CADPS: variants seen among roughly 807,000 people sequenced by gnomAD.
CADPS encodes the protein calcium-dependent secretion activator 1.
Under a neutral mutation model 167.3 loss-of-function variants are expected in CADPS, and 57 were observed. The ratio of observed to expected loss-of-function variants is 0.34; its 90% CI spans 0.28 to 0.42. The LOEUF (loss-of-function observed/expected upper bound fraction) is 0.42, where lower values mean the gene tolerates loss of function less well. Among genes scored for constraint, CADPS ranks in the 20% least tolerant of loss-of-function variants. CADPS has a pLI of 1.00. For missense variants in CADPS, 1,414 were observed against 1,738.1 expected, an observed-to-expected ratio of 0.81 and a Z score of 3.32; for synonymous variants, 676 against 635.3, an observed-to-expected ratio of 1.06 and a Z score of -0.96.
chr3:62,565,251 G>A (rs953345061), intron 9 of CADPS, among the ~76,000 whole-genome samples: 8 of 152,180 alleles, frequency 5.3e-5, no homozygotes, highest in African/African-American at 1.4e-4. Context: ...AGCCAGCCAA[G>A]TTTATAGGAC....
chr3:62,710,686 A>C (rs1431139879), intron 3 of CADPS, among the ~76,000 whole-genome samples: 1 of 152,006 alleles, frequency 6.6e-6, no homozygotes, highest in Non-Finnish European at 1.5e-5. Context: ...CCGAGTCACC[A>C]ATTTAGATTC....
At chr3:62,473,232 G>A (rs1386163735) in intron 24 of CADPS, among the ~76,000 whole-genome samples, 1 of 151,788 alleles carries the variant, frequency 6.6e-6, no homozygotes, top group African/African-American at 2.4e-5. Context: ...CCAGGGTGGG[G>A]GTGGGGGCTG....
intron 6 of CADPS, among the ~76,000 whole-genome samples, chr3:62,634,001 C>T (rs991450409): frequency 6.6e-6 from 1 of 152,158 alleles, no homozygotes; most frequent in Non-Finnish European, 1.5e-5. Flanking sequence ...TTTACTTTGA[C>T]TTGAGGTTAG....
Position 62,874,592 on chromosome 3 carries a change from C to T in CADPS, c.438G>A (p.Gln146=), listed in dbSNP as rs375778976. Reference sequence around the variant, plus strand: ...TGGGCCTCCCAGGCGCACCTACCTTCTGCTGCCGGCGAGCCATGTCGGTGG... The same window carrying T: ...TGGGCCTCCCAGGCGCACCTACCTTTTGCTGCCGGCGAGCCATGTCGGTGG... ...KQPTDMARRQ[Q]KISKQQLQTV... is the part of the protein sequence containing the mutation. The change falls in exon 1 of 30, where the codon CAG becomes CAA. Residue 146 remains glutamine (Q), a synonymous_variant. Coordinates refer to ENST00000383710, the MANE Select transcript of CADPS (RefSeq NM_003716.4). This position sits in a 1 kb window ranked among gnomAD's most constrained non-coding sequence, Gnocchi z 7.1. The T allele has an allele frequency of 1.5e-5, 23 of 1,549,032 alleles. No individual in the cohort carries two copies. Among genetic ancestry groups the T allele is most frequent in the Non-Finnish European group, 1.9e-5 (22 of 1,145,876 alleles).
intron 28 of CADPS, chr3:62,403,719 G>A (rs1487870680): frequency 6.6e-6 from 1 of 152,220 alleles, no homozygotes; most frequent in Non-Finnish European, 1.5e-5. Flanking sequence ...ACCTGATTGA[G>A]GAGTGCTGAT....
chr3:62,668,135 G>A (rs1316792159), intron 3 of CADPS, among the ~76,000 whole-genome samples: 2 of 152,214 alleles, frequency 1.3e-5, no homozygotes, highest in African/African-American at 4.8e-5. Flanking sequence ...CCAAAGAGAG[G>A]ATGTGATTCA....
chr3:62,519,224 T>C (rs1487129411), intron 13 of CADPS, among the ~76,000 whole-genome samples: 1 of 152,202 alleles, frequency 6.6e-6, no homozygotes, highest in Non-Finnish European at 1.5e-5. Context: ...TGTGTCACCA[T>C]AAAACTTCTA....
At chr3:62,715,353 C>CCTAT (rs10654479) in intron 3 of CADPS, among the ~76,000 whole-genome samples, 9,421 of 140,262 alleles carry the variant, frequency 0.067, 358 homozygotes, top group East Asian at 0.096. Flanking sequence ...GTTGGCCAGC[C>CCTAT]CTATCTATCT....
intron 1 of CADPS, among the ~76,000 whole-genome samples, chr3:62,798,719 G>A (rs1280577905): frequency 1.3e-5 from 2 of 152,040 alleles, no homozygotes; most frequent in Non-Finnish European, 2.9e-5. Context: ...GGATGTGTTA[G>A]GTACTTTTTC....
chr3:62,743,627 C>T (rs2080803058), intron 3 of CADPS, among the ~76,000 whole-genome samples: 2 of 152,158 alleles, frequency 1.3e-5, no homozygotes, highest in South Asian at 2.1e-4. Context: ...GAAAAACAAG[C>T]ATTCCCTATC....
At chr3:62,582,252 C>A (rs555170264) in intron 8 of CADPS, among the ~76,000 whole-genome samples, 4 of 152,314 alleles carry the variant, frequency 2.6e-5, no homozygotes, top group African/African-American at 7.2e-5. Flanking sequence ...TTGAGACCAG[C>A]CTGGCCAACC....
chr3:62,641,710 G>C (rs1208024308), intron 6 of CADPS, among the ~76,000 whole-genome samples: 3 of 152,064 alleles, frequency 2.0e-5, no homozygotes, highest in African/African-American at 7.2e-5. Context: ...TATTCTCCTG[G>C]CTTTCTATGT....
At chr3:62,615,401 A>G (rs2062102403) in intron 6 of CADPS, among the ~76,000 whole-genome samples, 1 of 152,220 alleles carries the variant, frequency 6.6e-6, no homozygotes, top group Non-Finnish European at 1.5e-5. Flanking sequence ...CCAGCAAATG[A>G]TGATGACAGT....
chr3:62,855,655 G>GT lies in CADPS; in HGVS notation c.441+18933dup, dbSNP rs1559949154. 2.6e-5 allele frequency among the ~76,000 whole-genome samples: 4 copies of GT among 152,208 alleles called. No individual in the cohort carries two copies. The South Asian group carries it at 6.2e-4, about 24-fold the overall frequency. ...TAGCTGAAGTAGCAAGTCACAAAAC[G>GT]TAAGTTGTCAAATGTCTAGTTTTGC... is the stretch of plus-strand genomic sequence containing the variant. On this transcript the variant is annotated intron_variant, in intron 1 of 29. Coordinates refer to ENST00000383710, the MANE Select transcript of CADPS (RefSeq NM_003716.4).
At chr3:62,643,754 G>A (rs1214731722) in intron 6 of CADPS, among the ~76,000 whole-genome samples, 7 of 152,062 alleles carry the variant, frequency 4.6e-5, no homozygotes, top group Admixed American at 2.0e-4. Flanking sequence ...ATCTTATAAC[G>A]CCATATTGGG....
At chr3:62,777,641 G>A (rs966607401) in intron 1 of CADPS, among the ~76,000 whole-genome samples, 3 of 152,100 alleles carry the variant, frequency 2.0e-5, no homozygotes, top group Non-Finnish European at 4.4e-5. Context: ...TTGGAGGTAG[G>A]GGGATACGGA....
chr3:62,438,104 A>G lies in CADPS; in HGVS notation c.3777T>C (p.Asp1259=), dbSNP rs1234264719. Residue 1259 remains aspartate, a splice_region_variant and synonymous_variant, in exon 28 of 30, where the codon GAT becomes GAC. Transcript: ENST00000383710. This position sits in a 1 kb window ranked among gnomAD's most constrained non-coding sequence, Gnocchi z 4.7. ...CAAGGAGGAGAAGGCATTTACTTAC[A>G]TCAAATAACCTTTCTATGTACATCT... is the stretch of plus-strand genomic sequence containing the variant. ...NEEMYIERLF[D]QWYNSSMNVI... The G allele has an allele frequency of 1.9e-6, 3 of 1,606,578 alleles. No individual in the cohort carries two copies. Among genetic ancestry groups the G allele is most frequent in the African/African-American group, 2.7e-5 (2 of 74,724 alleles).
chr3:62,772,210 C>CT (rs1359979441), intron 1 of CADPS, among the ~76,000 whole-genome samples: 4 of 151,984 alleles, frequency 2.6e-5, no homozygotes, highest in African/African-American at 7.2e-5. Context: ...TCTTTCAATG[C>CT]TTTTTTTATT....
chr3:62,505,433 T>C (rs1022628871), intron 17 of CADPS, among the ~76,000 whole-genome samples: 2 of 152,168 alleles, frequency 1.3e-5, no homozygotes, highest in East Asian at 3.9e-4. Context: ...AAATGTCTCT[T>C]ATCTCACACC....
Sources: allele counts gnomAD v4.1 joint callset (sites outside exome capture counted in the v4.1 genomes callset), GRCh38; gene constraint gnomAD v4.1.1; non-coding constraint Gnocchi (gnomAD v3.1); transcripts MANE v1.5; gene names NCBI Gene and HGNC (gene_info 2026-07-23, HGNC 2026-07-21).